Variants in ABCG1 observed in about 807,000 individuals in gnomAD.
ABCG1 encodes ATP binding cassette subfamily G member 1.
A neutral mutation model predicts 69.2 loss-of-function variants in ABCG1; 29 were observed. That is an observed-to-expected ratio of 0.42 (90% CI 0.31 to 0.57). ABCG1 has a LOEUF of 0.57. Among genes scored for constraint, ABCG1 ranks in the 20% least tolerant of loss-of-function variants. ABCG1 has a pLI of 0.15. For missense variants in ABCG1, 718 were observed against 898.1 expected, an observed-to-expected ratio of 0.80 and a Z score of 2.56; for synonymous variants, 370 against 374.8, an observed-to-expected ratio of 0.99 and a Z score of 0.15.
intron 2 of ABCG1, among the ~76,000 whole-genome samples, chr21:42,244,005 A>G (rs1334516258): frequency 6.6e-6 from 1 of 151,068 alleles, no homozygotes; most frequent in Non-Finnish European, 1.5e-5. Context: ...TTTTTTAGTA[A>G]AGACGGGGTT....
exon 2 of ABCG1, chr21:42,201,583 A>T (rs2067506650): frequency 6.5e-7 from 1 of 1,540,692 alleles, no homozygotes; most frequent in African/African-American, 1.4e-5. Flanking sequence ...ACAGCGCTAC[A>T]CCAACCTGAA....
chr21:42,257,413 G>A (rs1432802272), intron 2 of ABCG1, among the ~76,000 whole-genome samples: 1 of 152,238 alleles, frequency 6.6e-6, no homozygotes, highest in African/African-American at 2.4e-5. Context: ...CTATCATACA[G>A]ATACAGGACT....
chr21:42,234,807 C>T lies in ABCG1; in HGVS notation c.286+8893C>T, dbSNP rs571036437. On this transcript the variant is annotated intron_variant, in intron 2 of 14. Transcript: ENST00000398449. ...AAAACAGCGCTGCCGGAGCCCCTCG[C>T]GCGCGCAGGTGCGGGCGGGGCGGGT... 1.3e-3 allele frequency among the ~76,000 whole-genome samples: 199 copies of T among 151,836 alleles called. 1 individual carries two copies. Among genetic ancestry groups the T allele is most frequent in the African/African-American group, 4.7e-3 (194 of 41,518 alleles).
At chr21:42,267,109 G>T (rs1403562424) in intron 2 of ABCG1, among the ~76,000 whole-genome samples, 2 of 152,258 alleles carry the variant, frequency 1.3e-5, no homozygotes, top group Admixed American at 1.3e-4. Context: ...TAGGGTTGGT[G>T]CAGGGAAAGG....
chr21:42,271,004 C>T (rs1225400913), intron 2 of ABCG1, 66 bp from the exon 3 acceptor site: 13 of 1,151,998 alleles, frequency 1.1e-5, no homozygotes, highest in Non-Finnish European at 1.5e-5. Context: ...TGTACTTGAA[C>T]ATTTGCATAT....
At chr21:42,256,707 A>G in intron 2 of ABCG1, 1 of 1,418,586 alleles carries the variant, frequency 7.0e-7, no homozygotes, top group Non-Finnish European at 9.2e-7. Flanking sequence ...ATTCAGAGGG[A>G]TCTGGGAGCA....
At chr21:42,283,566 A>G (rs1332962554) in intron 6 of ABCG1, among the ~76,000 whole-genome samples, 4 of 152,140 alleles carry the variant, frequency 2.6e-5, no homozygotes, top group African/African-American at 9.7e-5. Context: ...CGCCAGCCCC[A>G]TAGATGGGAG....
intron 11 of ABCG1, 133 bp downstream of exon 11, chr21:42,290,351 C>A: frequency 1.0e-6 from 1 of 1,001,602 alleles, no homozygotes; most frequent in Non-Finnish European, 1.4e-6. Flanking sequence ...ATATCATCTT[C>A]TTTGTTGACA....
chr21:42,200,789 A>C (rs2067500478), intron 1 of ABCG1, among the ~76,000 whole-genome samples: 1 of 151,942 alleles, frequency 6.6e-6, no homozygotes, highest in Non-Finnish European at 1.5e-5. Context: ...GGGCTTCACC[A>C]TGTTGGCCAG....
chr21:42,259,626 T>C (rs541709772), intron 2 of ABCG1: 370 of 1,438,650 alleles, frequency 2.6e-4, no homozygotes, highest in Non-Finnish European at 3.2e-4. Context: ...TGTCACTCAT[T>C]TGATAAAAAC....
intron 2 of ABCG1, among the ~76,000 whole-genome samples, chr21:42,226,371 T>G (rs576440918): frequency 6.6e-6 from 1 of 152,348 alleles, no homozygotes; most frequent in Non-Finnish European, 1.5e-5. Context: ...GAGACCCATC[T>G]TGAAAGGATT....
intron 2 of ABCG1, among the ~76,000 whole-genome samples, chr21:42,267,005 A>T (rs940067543): frequency 2.0e-5 from 3 of 152,024 alleles, no homozygotes; most frequent in Non-Finnish European, 2.9e-5. Context: ...TGATTAATTG[A>T]CTATGAATTT....
Position 42,296,735 on chromosome 21 carries a change from C to G in ABCG1, c.*343C>G, listed in dbSNP as rs565575372. On this transcript the variant is annotated 3_prime_UTR_variant, in exon 15 of 15. Transcript: ENST00000398449. The surrounding 1 kb of genome is among the most constrained non-coding windows in gnomAD (Gnocchi z 5.4). ...CCTCAGTCCAGTCGCTCCTTAGCACCAGGCACCGTGGGTCCTGGATGGGGA... is the reference window on the plus strand; with the variant it reads ...CCTCAGTCCAGTCGCTCCTTAGCACGAGGCACCGTGGGTCCTGGATGGGGA... 6.0e-6 allele frequency: 2 copies of G among 332,396 alleles called. No individual in the cohort carries two copies. The highest frequency in any genetic ancestry group is 7.1e-5 in the South Asian group (2 of 28,056). 20.6% of individuals were successfully genotyped at this position (332,396 alleles called of 1,614,324 possible).
At chr21:42,234,605 G>A (rs144965805) in intron 2 of ABCG1, among the ~76,000 whole-genome samples, 232 of 152,314 alleles carry the variant, frequency 1.5e-3, no homozygotes, top group African/African-American at 5.0e-3. Flanking sequence ...CCTGGCCCGT[G>A]GTGATGTGCA....
At chr21:42,262,004 G>A (rs1005364807) in intron 2 of ABCG1, among the ~76,000 whole-genome samples, 5 of 152,174 alleles carry the variant, frequency 3.3e-5, no homozygotes, top group South Asian at 2.1e-4. Context: ...AGAAGCAGCC[G>A]GCCCCTTTCC....
chr21:42,264,562 C>G (rs2068469912), intron 2 of ABCG1, among the ~76,000 whole-genome samples: 1 of 149,474 alleles, frequency 6.7e-6, no homozygotes, highest in Non-Finnish European at 1.5e-5. Context: ...TTCAGCGACA[C>G]TTGAGTATCT....
intron 2 of ABCG1, among the ~76,000 whole-genome samples, chr21:42,252,276 C>CAA (rs1376155507): frequency 1.3e-5 from 2 of 152,210 alleles, no homozygotes; most frequent in Non-Finnish European, 2.9e-5. Context: ...CCTGTGCCTA[C>CAA]CATTGTGCCT....
chr21:42,229,335 T>C (rs1298743960), intron 2 of ABCG1, among the ~76,000 whole-genome samples: 2 of 152,208 alleles, frequency 1.3e-5, no homozygotes, highest in African/African-American at 2.4e-5. Flanking sequence ...GTTTGATGCA[T>C]TGAGCTAATT....
chr21:42,274,539 A>T (rs1268079300), intron 4 of ABCG1, among the ~76,000 whole-genome samples: 1 of 145,626 alleles, frequency 6.9e-6, no homozygotes, highest in Non-Finnish European at 1.5e-5. Context: ...CAGTGGCACG[A>T]TCTCAGCTCA....
Sources: gnomAD v4.1 joint callset for allele counts (sites outside exome capture counted in the v4.1 genomes callset) on GRCh38, gnomAD v4.1.1 for gene constraint, Gnocchi (gnomAD v3.1) non-coding constraint, MANE v1.5 for transcripts, NCBI Gene and HGNC (gene_info 2026-07-23, HGNC 2026-07-21) for gene names.